The following CYP39A1 variants were observed in gnomAD, a reference collection of about 807,000 sequenced individuals.
The protein encoded by CYP39A1 is cytochrome P450 family 39 subfamily A member 1.
Under a neutral mutation model 58.1 loss-of-function variants are expected in CYP39A1, and 49 were observed. That is an observed-to-expected ratio of 0.84 (90% confidence interval 0.67 to 1.07). The LOEUF (loss-of-function observed/expected upper bound fraction) is 1.07, where lower values mean the gene tolerates loss of function less well. Among genes scored for constraint, CYP39A1 ranks in the 50% least tolerant of loss-of-function variants. The pLI is 0.00. For synonymous variants in CYP39A1, 209 were observed against 187.6 expected (o/e 1.11, Z -0.93); for missense variants, 531 against 539.4 (o/e 0.98, Z 0.16).
chr6:46,609,688 C>A (rs1414428847), intron 7 of CYP39A1, among the ~76,000 whole-genome samples: 1 of 152,148 alleles, frequency 6.6e-6, no homozygotes, highest in Non-Finnish European at 1.5e-5. Flanking sequence ...CCTTCTTTAA[C>A]ACACAAGGCT....
At chr6:46,574,516 T>C (rs1338344868) in intron 10 of CYP39A1, among the ~76,000 whole-genome samples, 1 of 152,214 alleles carries the variant, frequency 6.6e-6, no homozygotes. Flanking sequence ...GACAATATTG[T>C]AAAATAGCAG....
intron 7 of CYP39A1, among the ~76,000 whole-genome samples, chr6:46,607,164 C>T (rs1773898559): frequency 6.6e-6 from 1 of 152,070 alleles, no homozygotes; most frequent in Non-Finnish European, 1.5e-5. Context: ...AAACACACGG[C>T]CACTGCCTTA....
chr6:46,642,148 G>C lies in CYP39A1; in HGVS notation c.313+15C>G. On this transcript the variant is annotated intron_variant, in intron 2 of 11. Transcript: ENST00000275016. ...ATGTTGGATTTCGAATGGACTATCT[G>C]AAAATATTCTTTACCTGTACGATAA... is the stretch of plus-strand genomic sequence containing the variant. 6.2e-7 allele frequency: 1 copy of C among 1,611,934 alleles called. No individual in the cohort carries two copies.
At chr6:46,589,921 A>T (rs1290529324) in intron 8 of CYP39A1, among the ~76,000 whole-genome samples, 4 of 152,128 alleles carry the variant, frequency 2.6e-5, no homozygotes. Context: ...GTAGCCTATA[A>T]AGCAGGTTAG....
At chr6:46,563,284 C>A (rs182932041) in intron 10 of CYP39A1, among the ~76,000 whole-genome samples, 6 of 152,236 alleles carry the variant, frequency 3.9e-5, no homozygotes, top group African/African-American at 1.4e-4. Context: ...TCTTCAGAAG[C>A]AAGCTAAGCT....
chr6:46,576,096 G>A (rs576340774), intron 10 of CYP39A1, among the ~76,000 whole-genome samples: 4 of 152,216 alleles, frequency 2.6e-5, no homozygotes, highest in South Asian at 4.2e-4. Flanking sequence ...AGCTTCTTAC[G>A]TGGCAGGAAC....
At chr6:46,559,815 A>T (rs1770873674) in intron 10 of CYP39A1, among the ~76,000 whole-genome samples, 1 of 152,216 alleles carries the variant, frequency 6.6e-6, no homozygotes, top group Middle Eastern at 3.2e-3. Context: ...CAGTAAAGCG[A>T]CACTTAGATT....
chr6:46,580,235 T>C (rs1023080988), intron 10 of CYP39A1, among the ~76,000 whole-genome samples: 3 of 151,708 alleles, frequency 2.0e-5, no homozygotes, highest in Admixed American at 2.0e-4. Flanking sequence ...AAGTAAGCAA[T>C]AAAAACAAGC....
intron 10 of CYP39A1, among the ~76,000 whole-genome samples, chr6:46,555,915 G>C (rs904788450): frequency 2.0e-5 from 3 of 152,046 alleles, no homozygotes; most frequent in Non-Finnish European, 4.4e-5. Context: ...CTACTTACTT[G>C]CAAATGCTAA....
At chr6:46,603,702 A>C (rs1023749461) in intron 7 of CYP39A1, among the ~76,000 whole-genome samples, 7 of 152,066 alleles carry the variant, frequency 4.6e-5, no homozygotes, top group African/African-American at 1.7e-4. Flanking sequence ...TGGTTTACTC[A>C]CTCGTTTACA....
At chr6:46,600,807 G>C (rs984943656) in intron 7 of CYP39A1, among the ~76,000 whole-genome samples, 8 of 152,222 alleles carry the variant, frequency 5.3e-5, no homozygotes, top group Non-Finnish European at 1.0e-4. Context: ...AATATCCTTT[G>C]TAATGAACCA....
intron 8 of CYP39A1, among the ~76,000 whole-genome samples, chr6:46,591,015 G>A (rs1049416405): frequency 4.0e-4 from 61 of 152,178 alleles, no homozygotes; most frequent in Non-Finnish European, 2.6e-4. Flanking sequence ...TGTTAACACA[G>A]ATGTTCAGAT....
At chr6:46,617,303 C>A (rs1474685142) in intron 7 of CYP39A1, among the ~76,000 whole-genome samples, 1 of 152,056 alleles carries the variant, frequency 6.6e-6, no homozygotes, top group Admixed American at 6.6e-5. Context: ...AGAATTAAAT[C>A]ATATTCAGTG....
intron 3 of CYP39A1, among the ~76,000 whole-genome samples, chr6:46,638,576 C>T (rs1562015788): frequency 6.6e-6 from 1 of 152,006 alleles, no homozygotes; most frequent in Non-Finnish European, 1.5e-5. Context: ...TTTTTATTTA[C>T]CATCCCTTCA....
At chr6:46,644,412 G>A (rs1202115908) in intron 1 of CYP39A1, among the ~76,000 whole-genome samples, 1 of 152,038 alleles carries the variant, frequency 6.6e-6, no homozygotes, top group African/African-American at 2.4e-5. Flanking sequence ...TACTGCTTTG[G>A]GGGTCTGAGG....
intron 10 of CYP39A1, chr6:46,586,118 A>T: frequency 1.9e-6 from 1 of 537,850 alleles, no homozygotes; most frequent in Non-Finnish European, 2.4e-6. Context: ...ATACTATTTT[A>T]GGGGAAGCGT....
intron 5 of CYP39A1, among the ~76,000 whole-genome samples, chr6:46,634,607 C>T (rs187688065): frequency 2.5e-4 from 37 of 150,626 alleles, no homozygotes; most frequent in South Asian, 1.3e-3. Context: ...CCATAACCTC[C>T]GCCTCCCAGG....
chr6:46,633,065 T>A (rs1775757435), intron 5 of CYP39A1, among the ~76,000 whole-genome samples: 1 of 152,224 alleles, frequency 6.6e-6, no homozygotes, highest in Non-Finnish European at 1.5e-5. Context: ...TCAGTTTTCC[T>A]TGTATTAAAG....
intron 7 of CYP39A1, among the ~76,000 whole-genome samples, chr6:46,607,464 T>TACACACACACACACAC (rs3839568): frequency 1.4e-5 from 2 of 145,512 alleles, no homozygotes; most frequent in African/African-American, 5.0e-5. Flanking sequence ...CCCTTCCCCC[T>TACACACACACACACAC]ACACACACAC....
Sources: allele counts gnomAD v4.1 joint callset (sites outside exome capture counted in the v4.1 genomes callset), GRCh38; gene constraint gnomAD v4.1.1; transcripts MANE v1.5; gene names NCBI Gene and HGNC (gene_info 2026-07-23, HGNC 2026-07-21).